Variants in KALRN observed in about 807,000 individuals in gnomAD.
KALRN encodes kalirin.
A neutral mutation model predicts 353.7 loss-of-function variants in KALRN; 70 were observed. That is an observed-to-expected ratio of 0.20 (90% CI 0.16 to 0.24). The LOEUF (loss-of-function observed/expected upper bound fraction) is 0.24, where lower values mean the gene tolerates loss of function less well. Ranked by LOEUF, KALRN falls within the 10% of genes least tolerant of loss-of-function variation. KALRN has a pLI of 1.00. For missense variants in KALRN, 2,791 were observed against 3,756.7 expected, an observed-to-expected ratio of 0.74 and a Z score of 6.72; for synonymous variants, 1,391 against 1,434.8, an observed-to-expected ratio of 0.97 and a Z score of 0.69.
At chr3:124,414,924 G>T (rs2092411725) in intron 14 of KALRN, among the ~76,000 whole-genome samples, 1 of 152,214 alleles carries the variant, frequency 6.6e-6, no homozygotes, top group African/African-American at 2.4e-5. Flanking sequence ...CAGTCATACT[G>T]AACTTTAAAG....
rs181559046 is a variant in KALRN at position 124,227,367 on chromosome 3, T to C, written c.74-623T>C. ...CTATTGTGGACCAATGATGATGACA[T>C]TGAGGGGAGGAGGAAGAGGTGGGGA... On this transcript the variant is annotated intron_variant, in intron 1 of 59. Coordinates refer to ENST00000682506, the MANE Select transcript of KALRN (RefSeq NM_001388419.1). Among the ~76,000 whole-genome samples the C allele has an allele frequency of 3.3e-5, 5 of 152,206 alleles. No individual in the cohort carries two copies. In the East Asian group the frequency reaches 9.7e-4, roughly 29 times the overall value.
chr3:124,674,840 T>A (rs1345944158), intron 49 of KALRN: 2 of 429,326 alleles, frequency 4.7e-6, no homozygotes, highest in Non-Finnish European at 8.0e-6. Context: ...TTTTCTTTCC[T>A]TTTGGTTTAT....
intron 37 of KALRN, among the ~76,000 whole-genome samples, chr3:124,642,806 G>GTTGTTTTTTTTTTTTT (rs796628603): frequency 0.01 from 1,006 of 96,622 alleles, 88 homozygotes; most frequent in East Asian, 0.017. Context: ...CCCAAGCCTC[G>GTTGTTTTTTTTTTTTT]TTTTTTTTTT....
chr3:124,404,507 T>G (rs1208196311), intron 13 of KALRN, among the ~76,000 whole-genome samples: 1 of 152,098 alleles, frequency 6.6e-6, no homozygotes, highest in Non-Finnish European at 1.5e-5. Flanking sequence ...GGTACCTTTT[T>G]AATGACTTCA....
rs1458019055 is a variant in KALRN at position 124,659,498 on chromosome 3, C to G, written c.6216+41C>G. On this transcript the variant is annotated intron_variant, in intron 43 of 59. Transcript: ENST00000682506. ...CCTGGGTGAGGGCTGGAGAAGGATCCATCAGGCTCAGAGCAGGTTCTGAGC... is the reference window on the plus strand; with the variant it reads ...CCTGGGTGAGGGCTGGAGAAGGATCGATCAGGCTCAGAGCAGGTTCTGAGC... The G allele has an allele frequency of 4.4e-6, 6 of 1,361,816 alleles. No individual in the cohort carries two copies. In the East Asian group the frequency reaches 1.4e-4, roughly 31 times the overall value. The allele number at this position is 1,361,816 out of a possible 1,614,324, so 84.4% of individuals were successfully genotyped here.
chr3:124,491,035 C>A (rs2063104070), intron 30 of KALRN, 151 bp downstream of exon 30: 3 of 698,702 alleles, frequency 4.3e-6, no homozygotes, highest in South Asian at 2.0e-5. Flanking sequence ...TTGGAAAGCA[C>A]CCCACTCACC....
intron 1 of KALRN, among the ~76,000 whole-genome samples, chr3:124,215,335 T>TGTGA (rs2077230765): frequency 6.6e-6 from 1 of 152,098 alleles, no homozygotes; most frequent in African/African-American, 2.4e-5. Flanking sequence ...CACAGATGGG[T>TGTGA]GTGAGCAGTG....
intron 1 of KALRN, among the ~76,000 whole-genome samples, chr3:124,097,616 C>A (rs745437938): frequency 7.9e-5 from 12 of 152,156 alleles, no homozygotes; most frequent in Non-Finnish European, 1.5e-4. Context: ...TAGGAAAAGG[C>A]AGGAAACATT....
chr3:124,445,488 A>G (rs2093806835), intron 19 of KALRN, among the ~76,000 whole-genome samples: 1 of 152,210 alleles, frequency 6.6e-6, no homozygotes, highest in Admixed American at 6.5e-5. Context: ...TTGCTTTGCT[A>G]TATGCCTTGT....
At chr3:124,640,858 G>A (rs539332772) in intron 37 of KALRN, among the ~76,000 whole-genome samples, 9 of 152,286 alleles carry the variant, frequency 5.9e-5, no homozygotes, top group East Asian at 5.8e-4. Flanking sequence ...AGTTTTCTTC[G>A]TTCCATATGA....
chr3:124,535,874 T>A (rs1159913985), intron 33 of KALRN, among the ~76,000 whole-genome samples: 3 of 152,220 alleles, frequency 2.0e-5, no homozygotes, highest in Non-Finnish European at 4.4e-5. Flanking sequence ...CGGCTCCTTC[T>A]AACTGATTCC....
Position 124,227,663 on chromosome 3 carries a change from GTTTTTTTTTTTTTT to G in KALRN, c.74-298_74-285del, listed in dbSNP as rs747087120. ...CAAGTTGCTCAATAGCAACAGGGCTGTTTTTTTTTTTTTTTTTTTTTTTTTTTTTTTTTTTTTTT... is the reference window on the plus strand; with the variant it reads ...CAAGTTGCTCAATAGCAACAGGGCTGTTTTTTTTTTTTTTTTTTTTTTTTT... On this transcript the variant is annotated intron_variant, in intron 1 of 59. Coordinates refer to ENST00000682506, the MANE Select transcript of KALRN (RefSeq NM_001388419.1). Among the ~76,000 whole-genome samples, 35 of 69,264 alleles carry G rather than the reference GTTTTTTTTTTTTTT, an allele frequency of 5.1e-4. No individual in the cohort carries two copies. The South Asian group carries it at 0.012, about 24-fold the overall frequency. The allele number at this position is 69,264 out of a possible 152,430, so 45.4% of individuals were successfully genotyped here.
intron 6 of KALRN, among the ~76,000 whole-genome samples, chr3:124,323,002 A>C (rs72976578): frequency 0.015 from 2,299 of 152,298 alleles, 58 homozygotes; most frequent in African/African-American, 0.05. Flanking sequence ...TTATCCCTCT[A>C]TTATGAGGGA....
rs2059217211 is a variant in KALRN at position 124,455,471 on chromosome 3, T to C, written c.3735+112T>C. 11 of 1,101,050 alleles carry C rather than the reference T, an allele frequency of 1.0e-5. No individual in the cohort carries two copies. The South Asian group carries it at 1.8e-4, about 18-fold the overall frequency. The allele number at this position is 1,101,050 out of a possible 1,614,324, so 68.2% of individuals were successfully genotyped here. ...TTTCCAGAGCAGTTCTTCTGAGCTA[T>C]TGACTCCTAGAGCGCTTGACTTGTG... On this transcript the variant is annotated intron_variant, in intron 22 of 59. Transcript: ENST00000682506.
chr3:124,566,170 AGCTCT>A (rs1269061935), intron 34 of KALRN, among the ~76,000 whole-genome samples: 1 of 152,080 alleles, frequency 6.6e-6, no homozygotes, highest in African/African-American at 2.4e-5. Flanking sequence ...CACCCATGTG[AGCTCT>A]GAATACAGAG....
At chr3:124,411,104 T>A (rs2092111934) in intron 13 of KALRN, among the ~76,000 whole-genome samples, 5 of 152,096 alleles carry the variant, frequency 3.3e-5, no homozygotes, top group Admixed American at 3.3e-4. Context: ...TAAAAAAAAA[T>A]TCTGTAAGAT....
At chr3:124,310,928 C>A (rs1487991054) in intron 6 of KALRN, among the ~76,000 whole-genome samples, 4 of 151,756 alleles carry the variant, frequency 2.6e-5, no homozygotes, top group African/African-American at 7.3e-5. Flanking sequence ...AAAAGACAAC[C>A]CAATTAAAAT....
chr3:124,398,183 A>G (rs553175775), intron 12 of KALRN, among the ~76,000 whole-genome samples: 1 of 152,350 alleles, frequency 6.6e-6, no homozygotes, highest in African/African-American at 2.4e-5. Context: ...GCATAGCTTT[A>G]TAAAGAGCAT....
intron 10 of KALRN, among the ~76,000 whole-genome samples, chr3:124,348,541 C>T (rs2082506881): frequency 6.6e-6 from 1 of 152,200 alleles, no homozygotes. Flanking sequence ...GGATTGGACC[C>T]AACCTGTGGG....
Sources: gnomAD v4.1 joint callset for allele counts (sites outside exome capture counted in the v4.1 genomes callset) on GRCh38, gnomAD v4.1.1 for gene constraint, MANE v1.5 for transcripts, NCBI Gene and HGNC (gene_info 2026-07-23, HGNC 2026-07-21) for gene names.